Variants in SLC8A1 observed in about 807,000 individuals in gnomAD.
SLC8A1 encodes solute carrier family 8 member A1.
A neutral mutation model predicts 68.3 loss-of-function variants in SLC8A1; 18 were observed. The observed-to-expected ratio is 0.26, with a 90% CI of 0.18 to 0.39. The LOEUF is 0.39. Among genes scored for constraint, SLC8A1 ranks in the 10% least tolerant of loss-of-function variants. SLC8A1 has a pLI of 1.00. For missense variants in SLC8A1, 985 were observed against 1,156.7 expected, an observed-to-expected ratio of 0.85 and a Z score of 2.15; for synonymous variants, 475 against 415.5, an observed-to-expected ratio of 1.14 and a Z score of -1.74.
intron 2 of SLC8A1, among the ~76,000 whole-genome samples, chr2:40,391,502 T>G (rs1685251485): frequency 6.6e-6 from 1 of 152,048 alleles, no homozygotes; most frequent in Admixed American, 6.6e-5. Context: ...CCATTCAATG[T>G]GAAGTAATCA....
At chr2:40,359,529 G>T (rs539566456) in intron 2 of SLC8A1, among the ~76,000 whole-genome samples, 2 of 152,164 alleles carry the variant, frequency 1.3e-5, no homozygotes, top group East Asian at 1.9e-4. Context: ...AGATCAAAAG[G>T]CACCTGGAGG....
intron 2 of SLC8A1, among the ~76,000 whole-genome samples, chr2:40,311,518 G>C (rs1043412036): frequency 6.6e-6 from 1 of 152,038 alleles, no homozygotes; most frequent in African/African-American, 2.4e-5. Context: ...AACATGTTGA[G>C]TGAAATAAAA....
intron 2 of SLC8A1, among the ~76,000 whole-genome samples, chr2:40,205,469 C>G (rs2055226171): frequency 6.6e-6 from 1 of 151,922 alleles, no homozygotes; most frequent in African/African-American, 2.4e-5. Flanking sequence ...ACCACATTTT[C>G]TTTATCCAGT....
At chr2:40,355,456 G>A (rs1246881366) in intron 2 of SLC8A1, among the ~76,000 whole-genome samples, 1 of 152,076 alleles carries the variant, frequency 6.6e-6, no homozygotes, top group Non-Finnish European at 1.5e-5. Flanking sequence ...TCCATTTCAA[G>A]GGCACTGTTG....
At chr2:40,317,329 A>G (rs1381918951) in intron 2 of SLC8A1, among the ~76,000 whole-genome samples, 1 of 152,084 alleles carries the variant, frequency 6.6e-6, no homozygotes, top group Non-Finnish European at 1.5e-5. Context: ...ATGTAATCAT[A>G]TTGGTTTTAT....
intron 2 of SLC8A1, among the ~76,000 whole-genome samples, chr2:40,383,746 T>C (rs1166259359): frequency 6.6e-6 from 1 of 152,132 alleles, no homozygotes; most frequent in Non-Finnish European, 1.5e-5. Context: ...GGCAAGACAC[T>C]ATTTAACAAA....
At chr2:40,173,853 A>C (rs1290977862) in intron 4 of SLC8A1, among the ~76,000 whole-genome samples, 1 of 152,182 alleles carries the variant, frequency 6.6e-6, no homozygotes, top group African/African-American at 2.4e-5. Flanking sequence ...CTACTGTTTA[A>C]ATATTTATCT....
chr2:40,426,815 G>A (rs527679147), intron 2 of SLC8A1, among the ~76,000 whole-genome samples: 4 of 151,900 alleles, frequency 2.6e-5, no homozygotes, highest in Non-Finnish European at 4.4e-5. Context: ...ACTACAGAAG[G>A]GTTCAATAAT....
chr2:40,194,328 G>A (rs867970802), intron 2 of SLC8A1, among the ~76,000 whole-genome samples: 6 of 152,028 alleles, frequency 3.9e-5, no homozygotes, highest in South Asian at 2.1e-4. Flanking sequence ...ATCTTCTACA[G>A]TATTTGCAGG....
chr2:40,165,871 A>G (rs2046465684), intron 4 of SLC8A1, among the ~76,000 whole-genome samples: 1 of 152,184 alleles, frequency 6.6e-6, no homozygotes. Context: ...CCATGCATAT[A>G]AGAAGGGCAA....
exon 3 of SLC8A1, chr2:40,177,799 A>T: frequency 6.4e-7 from 1 of 1,551,368 alleles, no homozygotes; most frequent in Non-Finnish European, 8.7e-7. Flanking sequence ...CACAAGGGAG[A>T]AACTGCACTC....
chr2:40,391,004 T>C (rs1451676473), intron 2 of SLC8A1, among the ~76,000 whole-genome samples: 1 of 152,116 alleles, frequency 6.6e-6, no homozygotes, highest in Non-Finnish European at 1.5e-5. Context: ...GAGATGTTTC[T>C]AGAAAGATTA....
chr2:40,375,056 G>A (rs543455730), intron 2 of SLC8A1, among the ~76,000 whole-genome samples: 28 of 152,022 alleles, frequency 1.8e-4, no homozygotes, highest in Admixed American at 1.4e-3. Context: ...TTAATCAGTC[G>A]GGAGAACAGC....
At chr2:40,370,653 A>G (rs1302550301) in intron 2 of SLC8A1, among the ~76,000 whole-genome samples, 1 of 152,122 alleles carries the variant, frequency 6.6e-6, no homozygotes, top group Non-Finnish European at 1.5e-5. Flanking sequence ...TTGACAAATG[A>G]CACTAATTCA....
At chr2:40,349,951 TC>T (rs771303068) in intron 2 of SLC8A1, among the ~76,000 whole-genome samples, 1 of 152,084 alleles carries the variant, frequency 6.6e-6, no homozygotes, top group Non-Finnish European at 1.5e-5. Context: ...AAAATGGAGC[TC>T]CAAATTAATG....
intron 2 of SLC8A1, among the ~76,000 whole-genome samples, chr2:40,333,214 G>A (rs925328837): frequency 1.3e-5 from 2 of 152,136 alleles, no homozygotes; most frequent in African/African-American, 4.8e-5. Flanking sequence ...CAAGGCGGGC[G>A]GATCACGACG....
chr2:40,492,068 G>GC (rs1409300660), intron 1 of SLC8A1, among the ~76,000 whole-genome samples: 1 of 152,040 alleles, frequency 6.6e-6, no homozygotes, highest in Non-Finnish European at 1.5e-5. Context: ...AAAGCTGCAG[G>GC]CATCACACTA....
intron 2 of SLC8A1, among the ~76,000 whole-genome samples, chr2:40,317,515 G>C (rs767336820): frequency 1.4e-4 from 22 of 151,956 alleles, no homozygotes; most frequent in Admixed American, 1.2e-3. Context: ...TTAATTATAG[G>C]CTCACTTGGT....
At chr2:40,194,943 A>C (rs895593627) in intron 2 of SLC8A1, among the ~76,000 whole-genome samples, 1 of 152,102 alleles carries the variant, frequency 6.6e-6, no homozygotes, top group Non-Finnish European at 1.5e-5. Flanking sequence ...ATGGAAATCT[A>C]GATTATACAG....
Sources: allele counts gnomAD v4.1 joint callset (sites outside exome capture counted in the v4.1 genomes callset), GRCh38; gene constraint gnomAD v4.1.1; transcripts MANE v1.5; gene names NCBI Gene and HGNC (gene_info 2026-07-23, HGNC 2026-07-21).